TBC1D14: variants seen among roughly 807,000 people sequenced by gnomAD.
TBC1D14 encodes TBC1 domain family member 14.
A neutral mutation model predicts 79.0 loss-of-function variants in TBC1D14; 26 were observed. The observed-to-expected ratio is 0.33, with a 90% confidence interval of 0.24 to 0.46. TBC1D14 has a LOEUF of 0.46. TBC1D14 is among the 20% of genes least tolerant of loss of function. The pLI is 1.00. For synonymous variants in TBC1D14, 394 were observed against 349.9 expected (o/e 1.13, Z -1.40); for missense variants, 769 against 887.6 (o/e 0.87, Z 1.70).
intron 3 of TBC1D14, among the ~76,000 whole-genome samples, chr4:6,981,025 T>C (rs1291454223): frequency 1.4e-5 from 2 of 146,162 alleles, no homozygotes; most frequent in Non-Finnish European, 3.1e-5. Context: ...TCTGTCTCTT[T>C]TTTTTTTTTT....
intron 12 of TBC1D14, among the ~76,000 whole-genome samples, chr4:7,020,593 G>A (rs1335044141): frequency 6.6e-6 from 1 of 152,170 alleles, no homozygotes; most frequent in African/African-American, 2.4e-5. Context: ...CAAGTTGCTG[G>A]TTTTGGCTTC....
At chr4:6,988,791 T>G (rs1718150054) in intron 3 of TBC1D14, among the ~76,000 whole-genome samples, 2 of 152,154 alleles carry the variant, frequency 1.3e-5, no homozygotes, top group Admixed American at 1.3e-4. Context: ...CATCATTGGC[T>G]GTTTTGTAGT....
intron 3 of TBC1D14, chr4:6,987,535 G>A: frequency 2.2e-6 from 1 of 462,200 alleles, no homozygotes; most frequent in Non-Finnish European, 3.6e-6. Flanking sequence ...GAAGCTTGCT[G>A]TGCATGCTGC....
chr4:7,007,527 C>T, intron 9 of TBC1D14: 1 of 1,289,296 alleles, frequency 7.8e-7, no homozygotes, highest in Non-Finnish European at 1.0e-6. Context: ...TACTCAGGTT[C>T]TCATCTTTGT....
chr4:6,987,396 C>T, intron 3 of TBC1D14: 1 of 1,381,510 alleles, frequency 7.2e-7, no homozygotes, highest in Non-Finnish European at 9.4e-7. Context: ...CCCAGGCCTG[C>T]CCGGTCCCGT....
intron 1 of TBC1D14, among the ~76,000 whole-genome samples, chr4:6,912,605 C>T (rs1723094282): frequency 6.6e-6 from 1 of 151,994 alleles, no homozygotes; most frequent in South Asian, 2.1e-4. Context: ...TACATTGTGG[C>T]CTTGTAGACA....
Position 7,001,133 on chromosome 4 carries a change from G to T in TBC1D14, c.1164-12G>T. ...GGAACAAACTCAAACTCCTGCTTCT[G>T]TTTTTGTCCAGGTGGTGCTCTAGAA... On this transcript the variant is annotated splice_polypyrimidine_tract_variant and intron_variant, in intron 6 of 13. Transcript: ENST00000409757. The T allele has an allele frequency of 6.2e-7, 1 of 1,612,872 alleles. No individual in the cohort carries two copies.
At chr4:6,912,972 G>GT (rs1318500374) in intron 1 of TBC1D14, among the ~76,000 whole-genome samples, 1 of 152,052 alleles carries the variant, frequency 6.6e-6, no homozygotes, top group Non-Finnish European at 1.5e-5. Flanking sequence ...ATTTTGTTTT[G>GT]TTTTTTGTTT....
chr4:6,976,830 G>T (rs1440347451), intron 3 of TBC1D14, among the ~76,000 whole-genome samples: 1 of 152,006 alleles, frequency 6.6e-6, no homozygotes, highest in Non-Finnish European at 1.5e-5. Context: ...GCTATAACAC[G>T]ATTAGAGTAG....
intron 3 of TBC1D14, among the ~76,000 whole-genome samples, chr4:6,980,181 G>T (rs889850914): frequency 6.6e-6 from 1 of 151,994 alleles, no homozygotes; most frequent in East Asian, 1.9e-4. Context: ...AATTTCAAAA[G>T]GATTAAAATT....
At chr4:6,986,824 T>G (rs968000800) in intron 3 of TBC1D14, among the ~76,000 whole-genome samples, 1 of 152,234 alleles carries the variant, frequency 6.6e-6, no homozygotes, top group Non-Finnish European at 1.5e-5. Context: ...TCTCTGAGTG[T>G]TTTGTGTGCT....
chr4:6,966,718 C>T (rs1348904553), intron 2 of TBC1D14, among the ~76,000 whole-genome samples: 5 of 152,224 alleles, frequency 3.3e-5, no homozygotes, highest in Admixed American at 1.3e-4. Context: ...AGTCTGACTT[C>T]AAAGCTTACT....
At chr4:6,993,084 G>A (rs7661952) in intron 3 of TBC1D14, among the ~76,000 whole-genome samples, 19,500 of 152,038 alleles carry the variant, frequency 0.13, 1,322 homozygotes, top group Middle Eastern at 0.2. Context: ...CCAGTAACAC[G>A]CCTCTTGACA....
chr4:7,026,239 G>A (rs1016469119), intron 13 of TBC1D14, among the ~76,000 whole-genome samples: 4 of 151,860 alleles, frequency 2.6e-5, no homozygotes, highest in Admixed American at 2.6e-4. Flanking sequence ...CTGCTCTGCA[G>A]TGTCAGTGAC....
At chr4:6,976,026 G>A (rs1412706342) in intron 3 of TBC1D14, among the ~76,000 whole-genome samples, 1 of 152,224 alleles carries the variant, frequency 6.6e-6, no homozygotes, top group Non-Finnish European at 1.5e-5. Flanking sequence ...CCAGGAGCCG[G>A]AGGTTGCAGT....
chr4:6,944,977 C>G (rs1713290254), intron 2 of TBC1D14, among the ~76,000 whole-genome samples: 1 of 152,232 alleles, frequency 6.6e-6, no homozygotes, highest in African/African-American at 2.4e-5. Context: ...TCTCAGTCAT[C>G]CCCAATCCCC....
At chr4:6,944,849 C>T (rs1350934444) in intron 2 of TBC1D14, among the ~76,000 whole-genome samples, 1 of 152,194 alleles carries the variant, frequency 6.6e-6, no homozygotes, top group African/African-American at 2.4e-5. Flanking sequence ...ATCCCCGGGG[C>T]AGAGGTGGCC....
chr4:6,910,763 G>A (rs576760532), intron 1 of TBC1D14, among the ~76,000 whole-genome samples: 6 of 152,168 alleles, frequency 3.9e-5, no homozygotes, highest in Non-Finnish European at 7.3e-5. Flanking sequence ...ACCAGGCCAC[G>A]TGAAGTCGTT....
At chr4:6,942,472 GC>G (rs1713004398) in intron 2 of TBC1D14, among the ~76,000 whole-genome samples, 1 of 152,176 alleles carries the variant, frequency 6.6e-6, no homozygotes, top group African/African-American at 2.4e-5. Context: ...GCCCTTTTGG[GC>G]CCCACAGCAG....
Sources: allele counts gnomAD v4.1 joint callset (sites outside exome capture counted in the v4.1 genomes callset), GRCh38; gene constraint gnomAD v4.1.1; transcripts MANE v1.5; gene names NCBI Gene and HGNC (gene_info 2026-07-23, HGNC 2026-07-21).